Variants in SLC22A15 observed in about 807,000 individuals in gnomAD.
The protein encoded by SLC22A15 is solute carrier family 22 member 15.
SLC22A15 carries 45 observed loss-of-function variants against 62.7 expected under a neutral mutation model. The observed-to-expected ratio is 0.72, with a 90% CI of 0.56 to 0.92. The LOEUF is 0.92. Among genes scored for constraint, SLC22A15 ranks in the 40% least tolerant of loss-of-function variants. The pLI is 0.00. For synonymous variants in SLC22A15, 264 were observed against 267.0 expected (o/e 0.99, Z 0.11); for missense variants, 622 against 665.6 (o/e 0.93, Z 0.72).
At chr1:115,996,957 A>G (rs1655459197) in intron 2 of SLC22A15, among the ~76,000 whole-genome samples, 1 of 151,322 alleles carries the variant, frequency 6.6e-6, no homozygotes, top group Admixed American at 6.6e-5. Flanking sequence ...TCCAATCTGT[A>G]TGCCTTTTGT....
intron 8 of SLC22A15, 127 bp downstream of exon 8, chr1:116,037,515 G>C (rs1044675855): frequency 1.4e-6 from 1 of 713,256 alleles, no homozygotes; most frequent in Admixed American, 2.2e-5. Flanking sequence ...GCAATTGTGT[G>C]GGATATAATG....
intron 10 of SLC22A15, among the ~76,000 whole-genome samples, chr1:116,065,263 C>T (rs186555620): frequency 4.6e-4 from 70 of 152,202 alleles, no homozygotes; most frequent in Non-Finnish European, 4.1e-4. Context: ...CTCTGAAATG[C>T]CATTATAACC....
chr1:116,010,480 T>C (rs1656195385), intron 2 of SLC22A15, among the ~76,000 whole-genome samples: 1 of 152,162 alleles, frequency 6.6e-6, no homozygotes, highest in Admixed American at 6.5e-5. Flanking sequence ...CTTCACCCAT[T>C]AAGTGGTAAT....
chr1:116,027,210 A>T, intron 5 of SLC22A15, 188 bp downstream of exon 5: 1 of 661,382 alleles, frequency 1.5e-6, no homozygotes, highest in Admixed American at 2.0e-5. Context: ...ATTAATTCAG[A>T]ATGCAGGTAT....
intron 4 of SLC22A15, among the ~76,000 whole-genome samples, chr1:116,024,899 A>C (rs561898234): frequency 6.6e-6 from 1 of 152,276 alleles, no homozygotes; most frequent in East Asian, 1.9e-4. Context: ...GAAGTCAGGG[A>C]AGTCGGTTCT....
At chr1:116,028,656 A>T (rs1414549034) in intron 5 of SLC22A15, among the ~76,000 whole-genome samples, 2 of 151,384 alleles carry the variant, frequency 1.3e-5, no homozygotes, top group Non-Finnish European at 2.9e-5. Context: ...AAAAGAACTC[A>T]TGAGATTTAA....
chr1:116,006,485 G>A lies in SLC22A15; in HGVS notation c.301-13097G>A, dbSNP rs186074965. Among the ~76,000 whole-genome samples the A allele has an allele frequency of 1.3e-4, 20 of 152,266 alleles. No homozygotes were observed. The East Asian group carries it at 3.5e-3, about 26-fold the overall frequency. Reference sequence around the variant, plus strand: ...TTGGCAAGTGCTGAAGATCTTTAAAGCAGCTCTGAGAGGAAAAGAATTAAG... The same window carrying A: ...TTGGCAAGTGCTGAAGATCTTTAAAACAGCTCTGAGAGGAAAAGAATTAAG... On this transcript the variant is annotated intron_variant, in intron 2 of 11. Transcript: ENST00000369503.
chr1:116,038,708 A>T (rs1657697275), intron 8 of SLC22A15, among the ~76,000 whole-genome samples: 1 of 152,160 alleles, frequency 6.6e-6, no homozygotes, highest in Admixed American at 6.5e-5. Flanking sequence ...TAAGACTGTG[A>T]TGGACTTCAA....
chr1:116,038,249 G>A (rs1386525744), intron 8 of SLC22A15, among the ~76,000 whole-genome samples: 1 of 152,212 alleles, frequency 6.6e-6, no homozygotes, highest in Non-Finnish European at 1.5e-5. Flanking sequence ...GGCAATCATT[G>A]TGAGACGATT....
At chr1:116,055,909 A>G (rs1384293252) in intron 8 of SLC22A15, among the ~76,000 whole-genome samples, 1 of 149,216 alleles carries the variant, frequency 6.7e-6, no homozygotes, top group Admixed American at 6.7e-5. Flanking sequence ...CGTATCTCAA[A>G]ATAATAAGAG....
chr1:116,054,662 C>G (rs1367289645), intron 8 of SLC22A15, among the ~76,000 whole-genome samples: 1 of 152,136 alleles, frequency 6.6e-6, no homozygotes, highest in Non-Finnish European at 1.5e-5. Context: ...GGAAATAAAG[C>G]TCTCCTCAGC....
At chr1:116,057,214 AAAAC>A (rs1332089296) in intron 8 of SLC22A15, among the ~76,000 whole-genome samples, 10 of 151,888 alleles carry the variant, frequency 6.6e-5, no homozygotes, top group Non-Finnish European at 1.2e-4. Context: ...TTACAAGAAA[AAAAC>A]AAACAACCCC....
At position 115,983,724 on chromosome 1, in the gene SLC22A15, G is replaced by A. The variant is rs55690278; in HGVS notation, c.87+7010G>A. Among the ~76,000 whole-genome samples, 1,013 of 152,256 alleles carry A rather than the reference G, an allele frequency of 6.7e-3. 5 individuals carry two copies. The highest frequency in any genetic ancestry group is 0.035 in the South Asian group (170 of 4,816). ...TGCCTTTCATCATAGAATTAAACATGTACCTGGGCAAGGAGTCAGAGCAGC... is the reference window on the plus strand; with the variant it reads ...TGCCTTTCATCATAGAATTAAACATATACCTGGGCAAGGAGTCAGAGCAGC... On this transcript the variant is annotated intron_variant, in intron 1 of 11. Coordinates refer to ENST00000369503, the MANE Select transcript of SLC22A15 (RefSeq NM_018420.3).
intron 8 of SLC22A15, among the ~76,000 whole-genome samples, chr1:116,040,715 C>T (rs1024850989): frequency 2.0e-5 from 3 of 152,172 alleles, no homozygotes; most frequent in African/African-American, 7.2e-5. Flanking sequence ...CTCTTGGGCT[C>T]AAGCAGTCTT....
chr1:115,990,923 A>C (rs943139830), intron 1 of SLC22A15, among the ~76,000 whole-genome samples: 1 of 151,982 alleles, frequency 6.6e-6, no homozygotes, highest in African/African-American at 2.4e-5. Context: ...ACACCCGGAA[A>C]ATTTGTGTAT....
chr1:115,991,303 G>C (rs530521671), intron 1 of SLC22A15, among the ~76,000 whole-genome samples: 220 of 152,130 alleles, frequency 1.4e-3, no homozygotes, highest in Non-Finnish European at 2.7e-3. Flanking sequence ...AATATTTCTT[G>C]AATGAATGTG....
chr1:116,061,427 C>T (rs1658375542), intron 8 of SLC22A15, among the ~76,000 whole-genome samples: 1 of 152,068 alleles, frequency 6.6e-6, no homozygotes, highest in South Asian at 2.1e-4. Context: ...GAGGCAATTA[C>T]ATTTGGTGAT....
At chr1:116,019,141 A>T (rs1656693569) in intron 2 of SLC22A15, among the ~76,000 whole-genome samples, 1 of 152,182 alleles carries the variant, frequency 6.6e-6, no homozygotes, top group Non-Finnish European at 1.5e-5. Flanking sequence ...TTTTTGAGGG[A>T]AATACTCAAG....
At chr1:115,990,331 C>T (rs532369560) in intron 1 of SLC22A15, among the ~76,000 whole-genome samples, 9 of 152,302 alleles carry the variant, frequency 5.9e-5, no homozygotes, top group South Asian at 2.1e-4. Flanking sequence ...TTCACTAGAA[C>T]GTGTGTTTCG....
Sources: gnomAD v4.1 joint callset for allele counts (sites outside exome capture counted in the v4.1 genomes callset) on GRCh38, gnomAD v4.1.1 for gene constraint, MANE v1.5 for transcripts, NCBI Gene and HGNC (gene_info 2026-07-23, HGNC 2026-07-21) for gene names.